DAGLA: variants seen among roughly 807,000 people sequenced by gnomAD.
The protein encoded by DAGLA is diacylglycerol lipase alpha, also known as diacylglycerol lipase-alpha.
A neutral mutation model predicts 102.6 loss-of-function variants in DAGLA; 22 were observed. That is an observed-to-expected ratio of 0.21 (90% CI 0.15 to 0.31). The LOEUF (loss-of-function observed/expected upper bound fraction) is 0.31. Ranked by LOEUF, DAGLA falls within the 10% of genes least tolerant of loss-of-function variation. The pLI is 1.00. For synonymous variants in DAGLA, 578 were observed against 628.9 expected (o/e 0.92, Z 1.21); for missense variants, 927 against 1,446.6 (o/e 0.64, Z 5.83).
chr11:61,686,846 G>A lies in DAGLA; in HGVS notation c.-45+6342G>A, dbSNP rs2064989290. On this transcript the variant is annotated intron_variant, in intron 1 of 19. Coordinates refer to ENST00000257215, the MANE Select transcript of DAGLA (RefSeq NM_006133.3). This position sits in a 1 kb window ranked among gnomAD's most constrained non-coding sequence, Gnocchi z 5.2. ...TCCCTTCGTTTATATAACATATGCT[G>A]CACCTCCCAGCCCCTGGCTGCTCCT... is the stretch of plus-strand genomic sequence containing the variant. Among the ~76,000 whole-genome samples the A allele has an allele frequency of 6.6e-6, 1 of 152,108 alleles. No individual in the cohort carries two copies. The highest frequency in any genetic ancestry group is 6.5e-5 in the Admixed American group (1 of 15,278).
At chr11:61,695,952 G>A (rs1048754781) in intron 1 of DAGLA, among the ~76,000 whole-genome samples, 32 of 152,198 alleles carry the variant, frequency 2.1e-4, no homozygotes, top group African/African-American at 7.7e-4. Flanking sequence ...GGGCTGTGGT[G>A]ACCGTTCTCC....
At chr11:61,708,442 G>A (rs1424348328) in intron 1 of DAGLA, among the ~76,000 whole-genome samples, 2 of 151,808 alleles carry the variant, frequency 1.3e-5, no homozygotes, top group African/African-American at 2.4e-5. Context: ...GTGCAGTGGC[G>A]TGATTTCGGC....
At position 61,734,245 on chromosome 11, in the gene DAGLA, A is replaced by G. The variant is rs2065403746; in HGVS notation, c.975-604A>G. Reference sequence around the variant, plus strand: ...GGAAGCCGAGTACGTGTACTGACCGAGTGGCATGGCCGTGGGGGTGAGGGC... The same window carrying G: ...GGAAGCCGAGTACGTGTACTGACCGGGTGGCATGGCCGTGGGGGTGAGGGC... On this transcript the variant is annotated intron_variant, in intron 9 of 19. Coordinates refer to ENST00000257215, the MANE Select transcript of DAGLA (RefSeq NM_006133.3). The surrounding 1 kb of genome is among the most constrained non-coding windows in gnomAD (Gnocchi z 4.2). 6.9e-6 allele frequency among the ~76,000 whole-genome samples: 1 copy of G among 145,068 alleles called. No homozygotes were observed. Among genetic ancestry groups the G allele is most frequent in the African/African-American group, 2.5e-5 (1 of 39,616 alleles).
intron 1 of DAGLA, among the ~76,000 whole-genome samples, chr11:61,687,560 C>G (rs1356096329): frequency 6.6e-6 from 1 of 152,194 alleles, no homozygotes; most frequent in African/African-American, 2.4e-5. Context: ...AACTCCTGAC[C>G]TCAGGTGATC....
chr11:61,708,133 A>G (rs2065164938), intron 1 of DAGLA, among the ~76,000 whole-genome samples: 1 of 151,884 alleles, frequency 6.6e-6, no homozygotes, highest in South Asian at 2.1e-4. Flanking sequence ...TTAGCCTCCC[A>G]AGTAGCTAGG....
At chr11:61,705,499 G>T (rs1015312404) in intron 1 of DAGLA, among the ~76,000 whole-genome samples, 2 of 152,162 alleles carry the variant, frequency 1.3e-5, no homozygotes, top group African/African-American at 2.4e-5. Context: ...TGCTTGTTCC[G>T]CTCTGCTCTC....
chr11:61,725,945 T>C, intron 5 of DAGLA, 50 bp from the exon 6 acceptor site: 1 of 1,548,434 alleles, frequency 6.5e-7, no homozygotes, highest in Non-Finnish European at 8.9e-7. Flanking sequence ...GTCCCAGCTC[T>C]TCTGGTCCAG....
intron 1 of DAGLA, among the ~76,000 whole-genome samples, chr11:61,682,854 G>GT (rs1322194758): frequency 3.5e-4 from 52 of 149,978 alleles, no homozygotes; most frequent in South Asian, 3.3e-3. Context: ...AGGGGGACGG[G>GT]GGGGGGAGGT....
Position 61,739,490 on chromosome 11 carries a change from A to C in DAGLA, c.1682A>C (p.Lys561Thr). 1 of 1,613,740 alleles carries C rather than the reference A, an allele frequency of 6.2e-7. No homozygotes were observed. Among genetic ancestry groups the C allele is most frequent in the Non-Finnish European group, 8.5e-7 (1 of 1,179,978 alleles). ...PKWRIIVGAT[K>T]CIPKSELPEE... ...TGGCGGATCATCGTGGGGGCCACCA[A>C]ATGCATCCCCAAGTCGGAGCTGCCT... Residue 561 changes from lysine to threonine, a missense_variant, in exon 17 of 20, where the codon AAA (lysine) becomes ACA (threonine). Lys to Thr is a moderately conservative substitution (Grantham distance 78). Transcript: ENST00000257215.
At chr11:61,736,106 G>A (rs1671853197) in intron 12 of DAGLA, among the ~76,000 whole-genome samples, 164 bp from the exon 13 acceptor site, 1 of 152,170 alleles carries the variant, frequency 6.6e-6, no homozygotes, top group South Asian at 2.1e-4. Context: ...CCTGTGAAAT[G>A]GAAGTGACAG....
chr11:61,743,572 G>A lies in DAGLA; in HGVS notation c.2212G>A (p.Glu738Lys). 4 of 1,550,610 alleles carry A rather than the reference G, an allele frequency of 2.6e-6. No homozygotes were observed. Among genetic ancestry groups the A allele is most frequent in the Non-Finnish European group, 1.7e-6 (2 of 1,154,984 alleles). Residue 738 changes from glutamate to lysine, a missense_variant, in exon 20 of 20, where the codon GAG becomes AAG. By Grantham distance (56) the Glu-to-Lys change is moderately conservative. This residue lies in a region of DAGLA where 434 missense variants were observed against 503.3 expected (regional missense o/e 0.86). Coordinates refer to ENST00000257215, the MANE Select transcript of DAGLA (RefSeq NM_006133.3). Reference sequence around the variant, plus strand: ...TGAGATGAGCCTGGAGGGCTTCTCGGAGGGGCGGCTGCTGTCGCCAGTGGT... The same window carrying A: ...TGAGATGAGCCTGGAGGGCTTCTCGAAGGGGCGGCTGCTGTCGCCAGTGGT... ...QSEMSLEGFS[E>K]GRLLSPVVAA...
intron 1 of DAGLA, among the ~76,000 whole-genome samples, chr11:61,703,986 T>A (rs1591031157): frequency 1.3e-5 from 2 of 152,248 alleles, no homozygotes; most frequent in African/African-American, 4.8e-5. Flanking sequence ...GCAGACTGAG[T>A]GGGGAAACCC....
chr11:61,726,115 A>C, intron 6 of DAGLA, 33 bp downstream of exon 6: 3 of 1,593,758 alleles, frequency 1.9e-6, no homozygotes, highest in Non-Finnish European at 1.7e-6. Context: ...CCTCTGGCTC[A>C]CATCCTGTGG....
At chr11:61,682,488 C>T (rs890485555) in intron 1 of DAGLA, among the ~76,000 whole-genome samples, 8 of 152,142 alleles carry the variant, frequency 5.3e-5, no homozygotes, top group East Asian at 1.9e-4. Flanking sequence ...ACCAGGCCCC[C>T]GGTCTCCAGA....
chr11:61,739,067 G>A (rs1218446173), intron 16 of DAGLA, among the ~76,000 whole-genome samples: 1 of 152,210 alleles, frequency 6.6e-6, no homozygotes, highest in African/African-American at 2.4e-5. Flanking sequence ...GTCAGGCCAG[G>A]CCTGGCAGGT....
At chr11:61,698,940 G>A (rs1045688840) in intron 1 of DAGLA, among the ~76,000 whole-genome samples, 1 of 152,334 alleles carries the variant, frequency 6.6e-6, no homozygotes, top group East Asian at 1.9e-4. Context: ...ATTGGAAAAG[G>A]CCTTTTGGGC....
rs748541704 is a variant in DAGLA, at chr11:61,746,377, G to T, written c.*1888G>T. 2.6e-5 allele frequency: 4 copies of T among 152,568 alleles called. No homozygotes were observed. Among genetic ancestry groups the T allele is most frequent in the African/African-American group, 9.6e-5 (4 of 41,460 alleles). The allele number at this position is 152,568 out of a possible 1,614,324, so 9.5% of individuals were successfully genotyped here. ...TCAGATGAAAGATCTGACAAGCACC[G>T]TGGCCAGTCACAGGGAGAGACTTGA... On this transcript the variant is annotated 3_prime_UTR_variant, in exon 20 of 20. Coordinates refer to ENST00000257215, the MANE Select transcript of DAGLA (RefSeq NM_006133.3).
At chr11:61,726,934 C>T (rs776761141) in intron 6 of DAGLA, among the ~76,000 whole-genome samples, 14 of 152,228 alleles carry the variant, frequency 9.2e-5, no homozygotes, top group East Asian at 1.9e-4. Context: ...CTCTCTGGGG[C>T]GGTCTGAGGG....
At chr11:61,723,096 G>A (rs1469419043) in intron 4 of DAGLA, 136 bp downstream of exon 4, 14 of 759,684 alleles carry the variant, frequency 1.8e-5, no homozygotes, top group Middle Eastern at 2.5e-4. Context: ...TTGGCTGGGC[G>A]AGACTGCTTC....
Sources: gnomAD v4.1 joint callset for allele counts (sites outside exome capture counted in the v4.1 genomes callset) on GRCh38, gnomAD v4.1.1 for gene constraint, gnomAD v4.1.1 regional missense constraint, Gnocchi (gnomAD v3.1) non-coding constraint, MANE v1.5 for transcripts, NCBI Gene and HGNC (gene_info 2026-07-23, HGNC 2026-07-21) for gene names.